Variants in EPC1 observed in about 807,000 individuals in gnomAD.
The protein encoded by EPC1 is enhancer of polycomb homolog 1.
In EPC1, 12 loss-of-function variants were observed where a neutral mutation model predicts 98.4. The observed-to-expected ratio is 0.12, with a 90% confidence interval of 0.08 to 0.20. The LOEUF is 0.20. Ranked by LOEUF, EPC1 falls within the 10% of genes least tolerant of loss-of-function variation. EPC1 has a pLI of 1.00. For synonymous variants in EPC1, 357 were observed against 363.9 expected, an observed-to-expected ratio of 0.98 and a Z score of 0.21; for missense variants, 729 against 990.5, an observed-to-expected ratio of 0.74 and a Z score of 3.54.
At chr10:32,279,273 G>T (rs960498346) in intron 10 of EPC1, among the ~76,000 whole-genome samples, 4 of 151,782 alleles carry the variant, frequency 2.6e-5, no homozygotes, top group African/African-American at 4.8e-5. Context: ...CGCTGAACCC[G>T]GTAGGCGGAG....
At position 32,334,818 on chromosome 10, in the gene EPC1, C is replaced by T. The variant is rs568349582; in HGVS notation, c.153+11945G>A. ...TCTTATTTTTAATTAATATCAACAGCATCTCCCAATAACTGACAATCCAAA... is the reference window on the plus strand; with the variant it reads ...TCTTATTTTTAATTAATATCAACAGTATCTCCCAATAACTGACAATCCAAA... On this transcript the variant is annotated intron_variant, in intron 1 of 13. Transcript: ENST00000319778. 4.6e-5 allele frequency among the ~76,000 whole-genome samples: 7 copies of T among 152,264 alleles called. No individual in the cohort carries two copies. In the South Asian group the frequency reaches 1.2e-3, roughly 27 times the overall value.
intron 1 of EPC1, among the ~76,000 whole-genome samples, chr10:32,312,388 G>T (rs1386020796): frequency 4.6e-5 from 7 of 152,132 alleles, no homozygotes; most frequent in East Asian, 1.9e-4. Context: ...TCTGAAAATT[G>T]TAAGTTCAAG....
At chr10:32,327,828 T>C (rs1225578241) in intron 1 of EPC1, among the ~76,000 whole-genome samples, 1 of 152,216 alleles carries the variant, frequency 6.6e-6, no homozygotes, top group Non-Finnish European at 1.5e-5. Context: ...TATGGTATTA[T>C]AACTTTGGGG....
At chr10:32,294,903 T>C (rs1004431919) in intron 2 of EPC1, among the ~76,000 whole-genome samples, 1 of 152,126 alleles carries the variant, frequency 6.6e-6, no homozygotes, top group Non-Finnish European at 1.5e-5. Context: ...TTTCATGCAG[T>C]ATGCTATTTC....
intron 1 of EPC1, among the ~76,000 whole-genome samples, chr10:32,376,152 A>G (rs1839867396): frequency 6.6e-6 from 1 of 152,042 alleles, no homozygotes; most frequent in South Asian, 2.1e-4. Context: ...AGGATTTTTA[A>G]AAGTGAAGAT....
intron 1 of EPC1, among the ~76,000 whole-genome samples, chr10:32,337,763 C>G (rs1416561465): frequency 6.6e-6 from 1 of 152,190 alleles, no homozygotes; most frequent in Non-Finnish European, 1.5e-5. Context: ...AAAGAGTTGA[C>G]TATACTTGCT....
At chr10:32,319,499 C>T (rs1836755098) in intron 1 of EPC1, among the ~76,000 whole-genome samples, 1 of 152,052 alleles carries the variant, frequency 6.6e-6, no homozygotes, top group African/African-American at 2.4e-5. Context: ...TGTGTGCCTC[C>T]AGATGTGATG....
At chr10:32,334,746 T>G (rs1356516597) in intron 1 of EPC1, among the ~76,000 whole-genome samples, 1 of 152,240 alleles carries the variant, frequency 6.6e-6, no homozygotes, top group Non-Finnish European at 1.5e-5. Context: ...AGTCATCCTG[T>G]GAGACTGTGT....
At chr10:32,294,576 G>A (rs1408140763) in intron 2 of EPC1, among the ~76,000 whole-genome samples, 3 of 152,166 alleles carry the variant, frequency 2.0e-5, no homozygotes, top group East Asian at 1.9e-4. Context: ...CACTCGGTGA[G>A]TATGTTCCTG....
At chr10:32,372,318 C>CA (rs1158078877) in intron 1 of EPC1, among the ~76,000 whole-genome samples, 1 of 152,158 alleles carries the variant, frequency 6.6e-6, no homozygotes, top group Non-Finnish European at 1.5e-5. Context: ...CAAAACCCCG[C>CA]AAAATGTCCC....
At chr10:32,372,367 C>G (rs796700072) in intron 1 of EPC1, among the ~76,000 whole-genome samples, 10 of 152,308 alleles carry the variant, frequency 6.6e-5, no homozygotes, top group African/African-American at 2.4e-4. Context: ...GTTATAAAGA[C>G]TGAAACATTT....
chr10:32,333,671 T>C (rs997480011), intron 1 of EPC1, among the ~76,000 whole-genome samples: 1 of 152,130 alleles, frequency 6.6e-6, no homozygotes, highest in Admixed American at 6.5e-5. Flanking sequence ...AGCTCAGAAA[T>C]ACCAAAGACA....
chr10:32,377,954 G>A (rs1046126321), intron 1 of EPC1, among the ~76,000 whole-genome samples: 4 of 152,162 alleles, frequency 2.6e-5, no homozygotes, highest in African/African-American at 9.7e-5. Flanking sequence ...GATCTGATCA[G>A]CAAATAAAAG....
At chr10:32,368,307 T>G (rs1839657328) in intron 1 of EPC1, among the ~76,000 whole-genome samples, 1 of 152,236 alleles carries the variant, frequency 6.6e-6, no homozygotes, top group African/African-American at 2.4e-5. Flanking sequence ...GCTACTCTCA[T>G]GGACCTGTCT....
Position 32,346,392 on chromosome 10 carries a change from C to G in EPC1, c.153+371G>C, listed in dbSNP as rs548742130. 102 of 185,732 alleles carry G rather than the reference C, an allele frequency of 5.5e-4. No homozygotes were observed. In the Middle Eastern group the frequency reaches 0.018, roughly 32 times the overall value. 11.5% of individuals were successfully genotyped at this position (185,732 alleles called of 1,614,324 possible). A position where few individuals can be genotyped will look rare whatever the true frequency, so the allele number is the denominator to read the frequency against. On this transcript the variant is annotated intron_variant, in intron 1 of 13. Transcript: ENST00000319778. ...GGCGGGTCCTCCACGGCTCCCGACT[C>G]GCCGCACCCCCACAGCCACCCAGCC...
rs534435621 is a variant in EPC1, at chr10:32,324,071, G to A, written c.154-18140C>T. ...CTGCTTCAGCCTCCCAAGTGGCTGG[G>A]ACTACAGGCGCCCGCCACCACGCCT... is the stretch of plus-strand genomic sequence containing the variant. On this transcript the variant is annotated intron_variant, in intron 1 of 13. Transcript: ENST00000319778. Among the ~76,000 whole-genome samples the A allele has an allele frequency of 5.3e-5, 8 of 152,134 alleles. No homozygotes were observed. In the South Asian group the frequency reaches 1.7e-3, roughly 32 times the overall value.
chr10:32,373,321 C>T (rs998479433), intron 1 of EPC1, among the ~76,000 whole-genome samples: 8 of 152,142 alleles, frequency 5.3e-5, no homozygotes, highest in African/African-American at 1.9e-4. Flanking sequence ...AAGCTCTAAT[C>T]AAATGTTGTT....
intron 1 of EPC1, among the ~76,000 whole-genome samples, chr10:32,333,317 G>A (rs1172515716): frequency 6.6e-6 from 1 of 152,224 alleles, no homozygotes; most frequent in African/African-American, 2.4e-5. Context: ...GGGCGACAGA[G>A]TGAGACTTCG....
chr10:32,307,983 C>T (rs1470014388), intron 1 of EPC1, among the ~76,000 whole-genome samples: 1 of 152,198 alleles, frequency 6.6e-6, no homozygotes, highest in East Asian at 1.9e-4. Context: ...CTGTCTTACT[C>T]CTGGTGATGC....
Sources: gnomAD v4.1 joint callset for allele counts (sites outside exome capture counted in the v4.1 genomes callset) on GRCh38, gnomAD v4.1.1 for gene constraint, MANE v1.5 for transcripts, NCBI Gene and HGNC (gene_info 2026-07-23, HGNC 2026-07-21) for gene names.